MAGI2: variants seen among roughly 807,000 people sequenced by gnomAD.
MAGI2 encodes membrane-associated guanylate kinase, WW and PDZ domain-containing protein 2.
Under a neutral mutation model 133.3 loss-of-function variants are expected in MAGI2, and 35 were observed. The ratio of observed to expected loss-of-function variants is 0.26; its 90% CI spans 0.20 to 0.35. MAGI2 has a LOEUF of 0.35. MAGI2 is among the 10% of genes least tolerant of loss of function. The probability of loss-of-function intolerance (pLI) is 1.00; values close to 1 mark genes in which losing one functional copy is unlikely to be tolerated. For missense variants in MAGI2, 1,636 were observed against 1,863.4 expected (o/e 0.88, Z 2.25); for synonymous variants, 729 against 710.6 (o/e 1.03, Z -0.41).
rs373401232 is a variant in MAGI2, at chr7:78,170,811, A to G, written c.2404-2703T>C. 2.0e-4 allele frequency: 31 copies of G among 151,430 alleles called. No homozygotes were observed. In the South Asian group the frequency reaches 2.7e-3, roughly 13 times the overall value. 9.4% of individuals were successfully genotyped at this position (151,430 alleles called of 1,614,324 possible). Reference sequence around the variant, plus strand: ...AGTATAAATTATATAGTATTACATAATTATTATATGTATATATTATTATAT... The same window carrying G: ...AGTATAAATTATATAGTATTACATAGTTATTATATGTATATATTATTATAT... On this transcript the variant is annotated intron_variant, in intron 14 of 21. Coordinates refer to ENST00000354212, the MANE Select transcript of MAGI2 (RefSeq NM_012301.4).
At position 78,784,974 on chromosome 7, in the gene MAGI2, A is replaced by G. The variant is rs1826692574; in HGVS notation, c.419-157735T>C. On this transcript the variant is annotated intron_variant, in intron 2 of 21. Transcript: ENST00000354212. ...TTGCATCATTCTAAAGGTTCTTGTTAGGCGTGCATGGTGCCTGGCTAAGAT... is the reference window on the plus strand; with the variant it reads ...TTGCATCATTCTAAAGGTTCTTGTTGGGCGTGCATGGTGCCTGGCTAAGAT... Among the ~76,000 whole-genome samples the G allele has an allele frequency of 4.6e-5, 7 of 152,206 alleles. 1 individual carries two copies. The South Asian group carries it at 1.4e-3, about 31-fold the overall frequency.
chr7:78,421,577 G>C (rs1209154865), intron 6 of MAGI2, among the ~76,000 whole-genome samples: 1 of 152,186 alleles, frequency 6.6e-6, no homozygotes, highest in East Asian at 1.9e-4. Context: ...ACTTTGGGAG[G>C]CTAGGCAGGA....
chr7:79,395,742 T>C (rs965633637), intron 1 of MAGI2, among the ~76,000 whole-genome samples: 2 of 152,140 alleles, frequency 1.3e-5, no homozygotes, highest in Non-Finnish European at 2.9e-5. Context: ...TGTAAAATCA[T>C]GTATGTGATT....
intron 1 of MAGI2, among the ~76,000 whole-genome samples, chr7:79,452,211 GACAA>G (rs1849324118): frequency 6.6e-6 from 1 of 152,068 alleles, no homozygotes; most frequent in South Asian, 2.1e-4. Flanking sequence ...AGTCCATGCG[GACAA>G]CCATTCATCT....
At chr7:79,322,022 T>C (rs1298404974) in intron 1 of MAGI2, among the ~76,000 whole-genome samples, 3 of 152,114 alleles carry the variant, frequency 2.0e-5, no homozygotes, top group Admixed American at 6.6e-5. Flanking sequence ...CCTGAAGAAG[T>C]CTGCAGAGGG....
chr7:79,111,891 T>A (rs1177927104), intron 1 of MAGI2, among the ~76,000 whole-genome samples: 3 of 151,762 alleles, frequency 2.0e-5, no homozygotes, highest in Non-Finnish European at 4.4e-5. Context: ...ATGGTCTTGA[T>A]CTCCTGACCT....
At chr7:79,135,995 GAAAGAAAGAGAAA>G (rs1821397761) in intron 1 of MAGI2, among the ~76,000 whole-genome samples, 3 of 37,350 alleles carry the variant, frequency 8.0e-5, no homozygotes, top group Admixed American at 3.1e-4. Flanking sequence ...AAGAAAGAAA[GAAAGAAAGAGAAA>G]GAAAGAAAGA....
At chr7:78,440,095 A>T (rs1562997934) in intron 6 of MAGI2, among the ~76,000 whole-genome samples, 1 of 152,012 alleles carries the variant, frequency 6.6e-6, no homozygotes, top group Non-Finnish European at 1.5e-5. Context: ...ATATATTTAT[A>T]TTTAAAGTTA....
intron 2 of MAGI2, among the ~76,000 whole-genome samples, chr7:78,979,278 T>C (rs1455207979): frequency 6.6e-6 from 1 of 151,768 alleles, no homozygotes; most frequent in East Asian, 2.0e-4. Context: ...AAATGGCTGA[T>C]TGGGGCAGGA....
intron 2 of MAGI2, among the ~76,000 whole-genome samples, chr7:78,684,415 A>C (rs1315222599): frequency 6.6e-6 from 1 of 152,166 alleles, no homozygotes; most frequent in Non-Finnish European, 1.5e-5. Context: ...ACTTTGGGTC[A>C]CTTTCCTTTG....
chr7:78,040,121 C>G (rs1336977554), intron 21 of MAGI2, among the ~76,000 whole-genome samples: 2 of 152,200 alleles, frequency 1.3e-5, no homozygotes, highest in African/African-American at 4.8e-5. Flanking sequence ...AATAATAATT[C>G]GTGCAAATAG....
At chr7:78,870,035 A>G (rs1233946983) in intron 2 of MAGI2, among the ~76,000 whole-genome samples, 1 of 152,166 alleles carries the variant, frequency 6.6e-6, no homozygotes, top group African/African-American at 2.4e-5. Flanking sequence ...TGATGCCTCC[A>G]GATTTGTTCT....
In MAGI2 at chr7:78,501,672, T is replaced by C. The variant is rs1394437666; in HGVS notation, c.870A>G (p.Thr290=). Residue 290 remains threonine (T), a synonymous_variant, in exon 5 of 22, where the codon ACA becomes ACG. Transcript: ENST00000354212. ...PEELKEQMDD[T]KPTKPEDNEE... Reference sequence around the variant, plus strand: ...CATTGTCTTCAGGTTTAGTTGGCTTTGTGTCATCCATCTGCTCCTTCAGCT... The same window carrying C: ...CATTGTCTTCAGGTTTAGTTGGCTTCGTGTCATCCATCTGCTCCTTCAGCT... The C allele has an allele frequency of 1.2e-6, 2 of 1,614,050 alleles. No individual in the cohort carries two copies. The highest frequency in any genetic ancestry group is 1.7e-6 in the Non-Finnish European group (2 of 1,180,030).
intron 1 of MAGI2, among the ~76,000 whole-genome samples, chr7:79,086,601 T>G (rs1816517406): frequency 6.6e-6 from 1 of 151,852 alleles, no homozygotes; most frequent in South Asian, 2.1e-4. Context: ...TTCTCATAGT[T>G]TAATGGAGGA....
chr7:78,585,695 TA>T (rs1168480312), intron 3 of MAGI2, among the ~76,000 whole-genome samples: 4 of 152,098 alleles, frequency 2.6e-5, no homozygotes, highest in African/African-American at 9.7e-5. Flanking sequence ...ATGGCAGCAT[TA>T]TGTCTAGCAG....
At chr7:79,378,926 G>GTGTGTATA (rs1158436636) in intron 1 of MAGI2, among the ~76,000 whole-genome samples, 4 of 94,592 alleles carry the variant, frequency 4.2e-5, no homozygotes, top group Admixed American at 1.1e-4. Context: ...ATGTGTGTGT[G>GTGTGTATA]TATATATATA....
At chr7:78,628,983 A>G (rs777684883) in intron 2 of MAGI2, among the ~76,000 whole-genome samples, 1 of 151,994 alleles carries the variant, frequency 6.6e-6, no homozygotes, top group Non-Finnish European at 1.5e-5. Flanking sequence ...TTATCTGCAT[A>G]TTTCAGAAGC....
chr7:78,445,983 T>C (rs528106231), intron 6 of MAGI2, among the ~76,000 whole-genome samples: 1 of 151,856 alleles, frequency 6.6e-6, no homozygotes, highest in Non-Finnish European at 1.5e-5. Flanking sequence ...GCTTTTAGAA[T>C]GATTGTGCTT....
At chr7:78,246,405 C>T (rs1423129233) in intron 10 of MAGI2, among the ~76,000 whole-genome samples, 3 of 152,140 alleles carry the variant, frequency 2.0e-5, no homozygotes, top group African/African-American at 4.8e-5. Flanking sequence ...TGAAGCTGAG[C>T]AGCCATGCAT....
Sources: allele counts gnomAD v4.1 joint callset (sites outside exome capture counted in the v4.1 genomes callset), GRCh38; gene constraint gnomAD v4.1.1; transcripts MANE v1.5; gene names NCBI Gene and HGNC (gene_info 2026-07-23, HGNC 2026-07-21).